The following ABCF1 variants were observed in gnomAD, a reference collection of about 807,000 sequenced individuals.
The protein encoded by ABCF1 is ATP binding cassette subfamily F member 1, also known as ATP-binding cassette sub-family F member 1.
Under a neutral mutation model 126.3 loss-of-function variants are expected in ABCF1, and 73 were observed. The observed-to-expected ratio is 0.58, with a 90% CI of 0.48 to 0.70. The LOEUF (loss-of-function observed/expected upper bound fraction) is 0.70. Among genes scored for constraint, ABCF1 ranks in the 30% least tolerant of loss-of-function variants. The probability of loss-of-function intolerance (pLI) is 0.00; values close to 1 mark genes in which losing one functional copy is unlikely to be tolerated. For missense variants in ABCF1, 786 were observed against 1,057.5 expected (o/e 0.74, Z 3.56); for synonymous variants, 345 against 396.4 (o/e 0.87, Z 1.54).
In ABCF1 at chr6:30,583,302, G is replaced by T; in HGVS notation, c.915+114G>T. On this transcript the variant is annotated intron_variant, in intron 10 of 24. Coordinates refer to ENST00000326195, the MANE Select transcript of ABCF1 (RefSeq NM_001025091.2). The surrounding 1 kb of genome is among the most constrained non-coding windows in gnomAD (Gnocchi z 4.1). ...GGTTAGTTCAGTGGGAAGAAAGATT[G>T]GAGGCATTTTCCACACCTTAGGTTC... The T allele has an allele frequency of 7.1e-7, 1 of 1,417,734 alleles. No individual in the cohort carries two copies. Among genetic ancestry groups the T allele is most frequent in the South Asian group, 1.4e-5 (1 of 72,520 alleles). 87.8% of individuals were successfully genotyped at this position (1,417,734 alleles called of 1,614,324 possible).
chr6:30,577,293 T>C (rs1801552392), intron 1 of ABCF1, 116 bp from the exon 2 acceptor site: 2 of 891,308 alleles, frequency 2.2e-6, no homozygotes, highest in African/African-American at 1.7e-5. Context: ...TAAGGAGTGA[T>C]AGTTAAGCTA....
rs1801917635 is a variant in ABCF1, at chr6:30,583,153, C to T, written c.880C>T (p.Arg294Cys). 6.2e-7 allele frequency: 1 copy of T among 1,610,624 alleles called. No homozygotes were observed. Among genetic ancestry groups the T allele is most frequent in the Admixed American group, 1.7e-5 (1 of 59,962 alleles). ...FSVSQAEMSS[R>C]QAMLENASDI... Reference sequence around the variant, plus strand: ...CGTGTCCCAGGCGGAGATGTCCTCCCGCCAAGCCATGTTAGAAAATGCATC... The same window carrying T: ...CGTGTCCCAGGCGGAGATGTCCTCCTGCCAAGCCATGTTAGAAAATGCATC... Residue 294 changes from arginine to cysteine, a missense_variant, in exon 10 of 25, where the codon CGC (arginine) becomes TGC (cysteine). Around this residue, in one of 4 missense-constraint regions of ABCF1, gnomAD observed 163 missense variants for 255.3 expected, o/e 0.64. Coordinates refer to ENST00000326195, the MANE Select transcript of ABCF1 (RefSeq NM_001025091.2). The surrounding 1 kb of genome is among the most constrained non-coding windows in gnomAD (Gnocchi z 4.1).
rs1165856181 is a variant in ABCF1, at chr6:30,591,100, T to C, written c.*399T>C. ...CCCCAGTCTTTGGGTGGTGCTGTTC[T>C]TTTCTGGTGGATTTAATGCTGACTC... On this transcript the variant is annotated 3_prime_UTR_variant, in exon 25 of 25. Transcript: ENST00000326195. 1.1e-5 allele frequency: 2 copies of C among 183,492 alleles called. No homozygotes were observed. Among genetic ancestry groups the C allele is most frequent in the African/African-American group, 4.7e-5 (2 of 42,688 alleles). 11.4% of individuals were successfully genotyped at this position (183,492 alleles called of 1,614,324 possible).
chr6:30,586,735 A>C lies in ABCF1; in HGVS notation c.2031+24A>C, dbSNP rs1391784819. The C allele has an allele frequency of 5.6e-6, 9 of 1,612,656 alleles. No individual in the cohort carries two copies. In the African/African-American group the frequency reaches 1.2e-4, roughly 22 times the overall value. On this transcript the variant is annotated intron_variant, in intron 20 of 24. Coordinates refer to ENST00000326195, the MANE Select transcript of ABCF1 (RefSeq NM_001025091.2). This position sits in a 1 kb window ranked among gnomAD's most constrained non-coding sequence, Gnocchi z 4.9. ...CGGTGAGTCCTGGAGCCAAGGAGGG[A>C]GAGCATGAGAAATGTGAAGACACAG...
Position 30,583,131 on chromosome 6 carries a change from G to A in ABCF1, c.858G>A (p.Val286=). Residue 286 remains valine, a synonymous_variant, in exon 10 of 25, where the codon GTG becomes GTA. Transcript: ENST00000326195. The surrounding 1 kb of genome is among the most constrained non-coding windows in gnomAD (Gnocchi z 4.1). The part of the protein sequence containing the change: ...AANAAENDFS[V]SQAEMSSRQA... ...ATGCAGCTGAAAATGACTTCTCCGTGTCCCAGGCGGAGATGTCCTCCCGCC... is the reference window on the plus strand; with the variant it reads ...ATGCAGCTGAAAATGACTTCTCCGTATCCCAGGCGGAGATGTCCTCCCGCC... 14 of 1,611,600 alleles carry A rather than the reference G, an allele frequency of 8.7e-6. No homozygotes were observed. The highest frequency in any genetic ancestry group is 1.2e-5 in the Non-Finnish European group (14 of 1,178,784).
At chr6:30,581,951 G>T (rs1006719400) in intron 8 of ABCF1, among the ~76,000 whole-genome samples, 2 of 152,144 alleles carry the variant, frequency 1.3e-5, no homozygotes, top group Non-Finnish European at 2.9e-5. Context: ...AATGAGAGAG[G>T]ATCCCAAGAT....
At chr6:30,572,091 C>A (rs1801281158) in intron 1 of ABCF1, among the ~76,000 whole-genome samples, 1 of 152,020 alleles carries the variant, frequency 6.6e-6, no homozygotes, top group African/African-American at 2.4e-5. Flanking sequence ...TAAAAAGCAG[C>A]GAAAGTTTGT....
At position 30,585,459 on chromosome 6, in the gene ABCF1, A is replaced by AC; in HGVS notation, c.1476-93dup. 16 of 1,570,216 alleles carry AC rather than the reference A, an allele frequency of 1.0e-5. No individual in the cohort carries two copies. In the South Asian group the frequency reaches 1.7e-4, roughly 16 times the overall value. On this transcript the variant is annotated intron_variant, in intron 15 of 24. Transcript: ENST00000326195. Reference sequence around the variant, plus strand: ...TGCCTGTGAGTGGAGCTCTATTCAGACCCCCCTTTCCCTCCCAGCCCCCGT... The same window carrying AC: ...TGCCTGTGAGTGGAGCTCTATTCAGACCCCCCCTTTCCCTCCCAGCCCCCGT...
At chr6:30,581,579 G>A (rs560098272) in intron 8 of ABCF1, among the ~76,000 whole-genome samples, 2 of 151,518 alleles carry the variant, frequency 1.3e-5, no homozygotes, top group Non-Finnish European at 2.9e-5. Flanking sequence ...GATTTTTTGT[G>A]TTTTTAGTAG....
chr6:30,578,839 A>C (rs1056365108), intron 6 of ABCF1, among the ~76,000 whole-genome samples: 12 of 152,214 alleles, frequency 7.9e-5, no homozygotes, highest in African/African-American at 2.6e-4. Context: ...ATCTCTACTA[A>C]AAATACAAAA....
At chr6:30,578,908 G>A (rs1801657443) in intron 6 of ABCF1, among the ~76,000 whole-genome samples, 1 of 152,088 alleles carries the variant, frequency 6.6e-6, no homozygotes, top group Admixed American at 6.5e-5. Context: ...GCTGAGGCAG[G>A]AGAATCACTT....
rs1002374358 is a variant in ABCF1 at position 30,586,900 on chromosome 6, G to C, written c.2031+189G>C. Among the ~76,000 whole-genome samples, 1 of 152,162 alleles carries C rather than the reference G, an allele frequency of 6.6e-6. No homozygotes were observed. The highest frequency in any genetic ancestry group is 1.5e-5 in the Non-Finnish European group (1 of 68,032). On this transcript the variant is annotated intron_variant, in intron 20 of 24. Transcript: ENST00000326195. The surrounding 1 kb of genome is among the most constrained non-coding windows in gnomAD (Gnocchi z 4.9). ...AGATCAGTTCAGGGGGGAGAGCTAA[G>C]AGAATTAAGATAGAACTAGGGGGCA...
Position 30,586,497 on chromosome 6 carries a change from C to T in ABCF1, c.1909C>T (p.Gln637Ter). 1.2e-6 allele frequency: 2 copies of T among 1,613,478 alleles called. No individual in the cohort carries two copies. Among genetic ancestry groups the T allele is most frequent in the Non-Finnish European group, 1.7e-6 (2 of 1,180,030 alleles). The change falls in exon 19 of 25, where the codon CAG becomes TAG. Residue 637 changes from glutamine (Q) to a stop codon, truncating the protein, a stop_gained. Transcript: ENST00000326195. LOFTEE classifies it high-confidence loss of function. This position sits in a 1 kb window ranked among gnomAD's most constrained non-coding sequence, Gnocchi z 4.9. ...LHGVTFGYQG[Q>*]KPLFKNLDFG... ...AGGTGTGACATTCGGCTACCAGGGA[C>T]AGAAACCACTCTTTAAGAACTTGGA... is the stretch of plus-strand genomic sequence containing the variant.
chr6:30,589,669 A>G lies in ABCF1; in HGVS notation c.2032-19A>G. ...TTTTTCCCTTGCCCTCCTCTTAACT[A>G]CTTTGTCTTCCCTTGCAGACCCATG... On this transcript the variant is annotated intron_variant, in intron 20 of 24. Transcript: ENST00000326195. 2 of 1,613,666 alleles carry G rather than the reference A, an allele frequency of 1.2e-6. No individual in the cohort carries two copies. The highest frequency in any genetic ancestry group is 1.7e-6 in the Non-Finnish European group (2 of 1,179,950).
Position 30,577,405 on chromosome 6 carries a change from C to T in ABCF1, c.74-4C>T, listed in dbSNP as rs375060626. On this transcript the variant is annotated splice_region_variant and splice_polypyrimidine_tract_variant and intron_variant, in intron 1 of 24. Coordinates refer to ENST00000326195, the MANE Select transcript of ABCF1 (RefSeq NM_001025091.2). ...GCATTCACGATGTCCGCTTAACTTT[C>T]TAGACAAAGTGGTGAAGAAAGGGAA... 6.2e-7 allele frequency: 1 copy of T among 1,613,580 alleles called. No homozygotes were observed. The highest frequency in any genetic ancestry group is 1.3e-5 in the African/African-American group (1 of 74,812).
chr6:30,578,648 C>A, intron 6 of ABCF1, 71 bp downstream of exon 6: 2 of 1,273,838 alleles, frequency 1.6e-6, no homozygotes, highest in East Asian at 2.5e-5. Flanking sequence ...AGTAATTTCC[C>A]GCTTTTAAAC....
At chr6:30,589,660 CTCT>C in intron 20 of ABCF1, 25 bp from the exon 21 acceptor site, 1 of 1,613,854 alleles carries the variant, frequency 6.2e-7, no homozygotes, top group Non-Finnish European at 8.5e-7. Context: ...CCTTGCCCTC[CTCT>C]TAACTACTTT....
chr6:30,585,629 C>T lies in ABCF1; in HGVS notation c.1547C>T (p.Thr516Ile). 1 of 1,613,062 alleles carries T rather than the reference C, an allele frequency of 6.2e-7. No homozygotes were observed. Among genetic ancestry groups the T allele is most frequent in the Non-Finnish European group, 8.5e-7 (1 of 1,180,020 alleles). ...CAGGGCTTCTTGGATGATGTCTGCA[C>T]TGATATCATCCACCTCGATGCCCAG... is the stretch of plus-strand genomic sequence containing the variant. ...HDQGFLDDVC[T>I]DIIHLDAQRL... Residue 516 changes from threonine (T) to isoleucine (I), a missense_variant, in exon 16 of 25, where the codon ACT (threonine) becomes ATT (isoleucine). Coordinates refer to ENST00000326195, the MANE Select transcript of ABCF1 (RefSeq NM_001025091.2).
rs576040816 is a variant in ABCF1, at chr6:30,590,093, T to C, written c.2234-56T>C. 59 of 1,611,492 alleles carry C rather than the reference T, an allele frequency of 3.7e-5. No individual in the cohort carries two copies. In the East Asian group the frequency reaches 8.2e-4, roughly 23 times the overall value. Reference sequence around the variant, plus strand: ...TCACAAACTGGCACATCTTGAGGGTTTGCCTTCAGAATGTGAGGTGCTAGG... The same window carrying C: ...TCACAAACTGGCACATCTTGAGGGTCTGCCTTCAGAATGTGAGGTGCTAGG... On this transcript the variant is annotated intron_variant, in intron 22 of 24. Transcript: ENST00000326195.
Sources: gnomAD v4.1 joint callset for allele counts (sites outside exome capture counted in the v4.1 genomes callset) on GRCh38, gnomAD v4.1.1 for gene constraint, gnomAD v4.1.1 regional missense constraint, Gnocchi (gnomAD v3.1) non-coding constraint, MANE v1.5 for transcripts, NCBI Gene and HGNC (gene_info 2026-07-23, HGNC 2026-07-21) for gene names.